Variants in SAMD4A observed in about 807,000 individuals in gnomAD.
SAMD4A encodes the protein sterile alpha motif domain containing 4A.
A neutral mutation model predicts 81.3 loss-of-function variants in SAMD4A; 33 were observed. The observed-to-expected ratio is 0.41, with a 90% CI of 0.31 to 0.54. The LOEUF is 0.54. Ranked by LOEUF, SAMD4A falls within the 20% of genes least tolerant of loss-of-function variation. The pLI is 0.37. For synonymous variants in SAMD4A, 389 were observed against 382.1 expected, an observed-to-expected ratio of 1.02 and a Z score of -0.21; for missense variants, 854 against 951.1, an observed-to-expected ratio of 0.90 and a Z score of 1.34.
intron 3 of SAMD4A, among the ~76,000 whole-genome samples, chr14:54,714,153 T>C (rs2037060159): frequency 6.6e-6 from 1 of 152,204 alleles, no homozygotes; most frequent in Non-Finnish European, 1.5e-5. Context: ...AGAGGGTACC[T>C]GACAGGTTGC....
chr14:54,777,972 T>C (rs1424270567), intron 11 of SAMD4A, among the ~76,000 whole-genome samples: 1 of 152,124 alleles, frequency 6.6e-6, no homozygotes, highest in Non-Finnish European at 1.5e-5. Context: ...GGTCCTTTCA[T>C]CCCATCCTCT....
intron 2 of SAMD4A, among the ~76,000 whole-genome samples, chr14:54,678,648 A>C (rs183732284): frequency 2.1e-5 from 3 of 146,198 alleles, no homozygotes; most frequent in Non-Finnish European, 4.4e-5. Context: ...TCCCGGGTTC[A>C]CGCCATTCTC....
chr14:54,681,865 A>G (rs2036136592), intron 2 of SAMD4A: 1 of 985,304 alleles, frequency 1.0e-6, no homozygotes. Context: ...TAAGCGGTTT[A>G]AGTAAGCTGT....
At chr14:54,724,038 AAGGAAGGAAGGAATAATGC>A (rs1257386671) in intron 3 of SAMD4A, among the ~76,000 whole-genome samples, 2 of 151,834 alleles carry the variant, frequency 1.3e-5, no homozygotes, top group African/African-American at 4.8e-5. Context: ...GGAAGGAAGG[AAGGAAGGAAGGAATAATGC>A]AGGACGCATC....
chr14:54,573,851 C>T (rs2033207151), intron 2 of SAMD4A, among the ~76,000 whole-genome samples: 1 of 152,224 alleles, frequency 6.6e-6, no homozygotes, highest in Non-Finnish European at 1.5e-5. Flanking sequence ...TCCCAAGAGC[C>T]AGCTTGGAAT....
intron 3 of SAMD4A, among the ~76,000 whole-genome samples, chr14:54,718,594 C>T (rs947753353): frequency 1.3e-5 from 2 of 150,896 alleles, no homozygotes; most frequent in African/African-American, 4.9e-5. Context: ...AACTCCACTA[C>T]ATCATATTGG....
chr14:54,571,304 T>C (rs1238699553), intron 2 of SAMD4A, among the ~76,000 whole-genome samples: 1 of 152,200 alleles, frequency 6.6e-6, no homozygotes, highest in Non-Finnish European at 1.5e-5. Flanking sequence ...GATATGGTCA[T>C]GATCAGTTCT....
In SAMD4A at chr14:54,685,280, C is replaced by CCCG. The variant is rs1555343074; in HGVS notation, c.197-16780_197-16779insGCC. 3.4e-5 allele frequency among the ~76,000 whole-genome samples: 5 copies of CCCG among 148,498 alleles called. 1 individual carries two copies. The highest frequency in any genetic ancestry group is 4.0e-4 in the East Asian group (2 of 4,978). ...ATAACTCCCCATTCTTCCTGCCCCC[C>CCCG]CCCCCAGCTCCTGGCAGCCACCATT... On this transcript the variant is annotated intron_variant, in intron 2 of 12. Coordinates refer to ENST00000554335, the MANE Select transcript of SAMD4A (RefSeq NM_015589.6).
At position 54,567,825 on chromosome 14, in the gene SAMD4A, G is replaced by A. The variant is rs2032983940; in HGVS notation, c.-92G>A. On this transcript the variant is annotated 5_prime_UTR_variant, in exon 2 of 13. Coordinates refer to ENST00000554335, the MANE Select transcript of SAMD4A (RefSeq NM_015589.6). Reference sequence around the variant, plus strand: ...ACCTTGGAACAGGAACGCGTCTCCGGCCGCGGGGCTGCGGCTCCGCCAAAC... The same window carrying A: ...ACCTTGGAACAGGAACGCGTCTCCGACCGCGGGGCTGCGGCTCCGCCAAAC... 14 of 1,426,618 alleles carry A rather than the reference G, an allele frequency of 9.8e-6. No individual in the cohort carries two copies. The South Asian group carries it at 1.5e-4, about 15-fold the overall frequency. The allele number at this position is 1,426,618 out of a possible 1,614,324, so 88.4% of individuals were successfully genotyped here. A position where few individuals can be genotyped will look rare whatever the true frequency, so the allele number is the denominator to read the frequency against.
At chr14:54,610,017 C>T (rs1436022857) in intron 2 of SAMD4A, among the ~76,000 whole-genome samples, 1 of 152,070 alleles carries the variant, frequency 6.6e-6, no homozygotes, top group African/African-American at 2.4e-5. Context: ...GTTATATATG[C>T]CGTGTTTTTA....
intron 5 of SAMD4A, 71 bp downstream of exon 5, chr14:54,748,995 C>A: frequency 9.1e-7 from 1 of 1,103,396 alleles, no homozygotes. Flanking sequence ...GCCTGGACAA[C>A]CTTGTTTGGA....
intron 2 of SAMD4A, among the ~76,000 whole-genome samples, chr14:54,658,148 A>C: frequency 6.6e-6 from 1 of 152,146 alleles, no homozygotes; most frequent in East Asian, 1.9e-4. Flanking sequence ...CGTCACCACA[A>C]AAAAATATAA....
At chr14:54,589,019 A>T (rs924248741) in intron 2 of SAMD4A, among the ~76,000 whole-genome samples, 2 of 152,236 alleles carry the variant, frequency 1.3e-5, no homozygotes, top group Non-Finnish European at 2.9e-5. Context: ...TAAAATGTAT[A>T]CAACGTATAT....
At chr14:54,763,146 C>T (rs1162643450) in intron 7 of SAMD4A, among the ~76,000 whole-genome samples, 4 of 151,792 alleles carry the variant, frequency 2.6e-5, no homozygotes, top group East Asian at 2.0e-4. Context: ...TGAGCCACCG[C>T]GCCCAGCCGA....
Position 54,655,453 on chromosome 14 carries a change from C to T in SAMD4A, c.197-46609C>T, listed in dbSNP as rs369399756. 1.2e-4 allele frequency among the ~76,000 whole-genome samples: 18 copies of T among 152,260 alleles called. No homozygotes were observed. The East Asian group carries it at 2.1e-3, about 18-fold the overall frequency. On this transcript the variant is annotated intron_variant, in intron 2 of 12. Coordinates refer to ENST00000554335, the MANE Select transcript of SAMD4A (RefSeq NM_015589.6). ...TGGTTAAGAATATAGATCCAGGAGC[C>T]GGGCGCAGTGGCTCACGCCTGTAAT...
chr14:54,752,613 T>G (rs1049646920), intron 6 of SAMD4A, among the ~76,000 whole-genome samples: 3 of 152,052 alleles, frequency 2.0e-5, no homozygotes, highest in Non-Finnish European at 4.4e-5. Context: ...TATGAAGGGG[T>G]GGCCTGCCCC....
chr14:54,757,163 G>C (rs1007670512), intron 6 of SAMD4A, among the ~76,000 whole-genome samples: 1 of 152,100 alleles, frequency 6.6e-6, no homozygotes, highest in African/African-American at 2.4e-5. Flanking sequence ...TTGAGTTCAG[G>C]AATTCATTTT....
At position 54,751,484 on chromosome 14, in the gene SAMD4A, A is replaced by G. The variant is rs147347990; in HGVS notation, c.1123A>G (p.Ile375Val). 119 of 1,608,212 alleles carry G rather than the reference A, an allele frequency of 7.4e-5. No homozygotes were observed. The highest frequency in any genetic ancestry group is 9.3e-5 in the Non-Finnish European group (109 of 1,176,094). Reference sequence around the variant, plus strand: ...CAAAGGTGCAAGACACAAAATTGTCATCAGTATTCAGAAGCTCAAAGAAAG... The same window carrying G: ...CAAAGGTGCAAGACACAAAATTGTCGTCAGTATTCAGAAGCTCAAAGAAAG... ...VTKGARHKIV[I>V]SIQKLKERQN... Residue 375 changes from isoleucine (I) to valine (V), a missense_variant, in exon 6 of 13, where the codon ATC (isoleucine) becomes GTC (valine). Physicochemically the swap from Ile to Val is conservative, Grantham distance 29. Coordinates refer to ENST00000554335, the MANE Select transcript of SAMD4A (RefSeq NM_015589.6).
At chr14:54,755,413 C>T (rs921077219) in intron 6 of SAMD4A, among the ~76,000 whole-genome samples, 1 of 152,138 alleles carries the variant, frequency 6.6e-6, no homozygotes, top group African/African-American at 2.4e-5. Context: ...GTGAGTGTAA[C>T]TGATAATAGG....
Sources: allele counts gnomAD v4.1 joint callset (sites outside exome capture counted in the v4.1 genomes callset), GRCh38; gene constraint gnomAD v4.1.1; transcripts MANE v1.5; gene names NCBI Gene and HGNC (gene_info 2026-07-23, HGNC 2026-07-21).